Variants in MEF2C observed in about 807,000 individuals in gnomAD.
The protein encoded by MEF2C is myocyte-specific enhancer factor 2C.
MEF2C carries 6 observed loss-of-function variants against 50.5 expected under a neutral mutation model. The ratio of observed to expected loss-of-function variants is 0.12; its 90% confidence interval spans 0.07 to 0.23. The LOEUF (loss-of-function observed/expected upper bound fraction) is 0.23, where lower values mean the gene tolerates loss of function less well. Among genes scored for constraint, MEF2C ranks in the 10% least tolerant of loss-of-function variants. The pLI is 1.00. For synonymous variants in MEF2C, 183 were observed against 228.0 expected, an observed-to-expected ratio of 0.80 and a Z score of 1.78; for missense variants, 276 against 605.0, an observed-to-expected ratio of 0.46 and a Z score of 5.70.
chr5:88,795,076 T>C (rs1417854959), intron 3 of MEF2C, among the ~76,000 whole-genome samples: 2 of 152,200 alleles, frequency 1.3e-5, no homozygotes, highest in Non-Finnish European at 2.9e-5. Flanking sequence ...TCAGGTAGCG[T>C]GATGCCTTCA....
intron 1 of MEF2C, among the ~76,000 whole-genome samples, chr5:88,874,152 C>A (rs1830390886): frequency 6.6e-6 from 1 of 151,912 alleles, no homozygotes; most frequent in East Asian, 1.9e-4. Context: ...CAGAGAATTA[C>A]TTACTAGGCG....
At chr5:88,744,864 C>A (rs1050667258) in intron 6 of MEF2C, among the ~76,000 whole-genome samples, 2 of 152,190 alleles carry the variant, frequency 1.3e-5, no homozygotes, top group African/African-American at 4.8e-5. Context: ...ACCCACATTT[C>A]ATTTACTACT....
chr5:88,821,294 TCTCA>T (rs1808230828), intron 2 of MEF2C, among the ~76,000 whole-genome samples: 1 of 151,982 alleles, frequency 6.6e-6, no homozygotes, highest in East Asian at 1.9e-4. Context: ...TGAGACAGGG[TCTCA>T]CTCTGTTGCC....
chr5:88,726,511 G>T (rs1389177773), intron 10 of MEF2C, among the ~76,000 whole-genome samples: 1 of 152,110 alleles, frequency 6.6e-6, no homozygotes, highest in East Asian at 1.9e-4. Flanking sequence ...AGGGAGAAAA[G>T]AGTGTGTGTG....
At chr5:88,844,190 G>A (rs1818495872) in intron 1 of MEF2C, among the ~76,000 whole-genome samples, 1 of 152,068 alleles carries the variant, frequency 6.6e-6, no homozygotes, top group Non-Finnish European at 1.5e-5. Context: ...TATTTCAATT[G>A]GACCTTAATC....
intron 1 of MEF2C, among the ~76,000 whole-genome samples, chr5:88,836,927 A>G (rs572020043): frequency 8.6e-5 from 13 of 151,610 alleles, no homozygotes; most frequent in Admixed American, 1.3e-4. Context: ...TAGAGATCCC[A>G]AAGTGCCTAA....
At chr5:88,880,760 A>G (rs1346376956) in intron 1 of MEF2C, 2 of 152,004 alleles carry the variant, frequency 1.3e-5, no homozygotes, top group Non-Finnish European at 2.9e-5. Flanking sequence ...TCTAAGTTTC[A>G]TGGAGTTATC....
intron 1 of MEF2C, among the ~76,000 whole-genome samples, chr5:88,855,502 T>C (rs1311491617): frequency 1.3e-5 from 2 of 152,234 alleles, no homozygotes; most frequent in Admixed American, 6.5e-5. Context: ...TCATGTTGCA[T>C]GATTTTTATT....
chr5:88,881,891 G>A (rs752773138), intron 1 of MEF2C, among the ~76,000 whole-genome samples: 6 of 152,114 alleles, frequency 3.9e-5, no homozygotes, highest in Non-Finnish European at 8.8e-5. Context: ...CTCCACTGAG[G>A]ACCGGTTAAG....
At position 88,805,823 on chromosome 5, in the gene MEF2C, C is replaced by CTTT. The variant is rs869224140; in HGVS notation, c.55-1025_55-1023dup. 1.6e-3 allele frequency among the ~76,000 whole-genome samples: 101 copies of CTTT among 61,594 alleles called. 15 individuals carry two copies. Among genetic ancestry groups the CTTT allele is most frequent in the Middle Eastern group, 0.013 (1 of 78 alleles). The allele number at this position is 61,594 out of a possible 152,430, so 40.4% of individuals were successfully genotyped here. A position where few individuals can be genotyped will look rare whatever the true frequency, so the allele number is the denominator to read the frequency against. Reference sequence around the variant, plus strand: ...TGGCTACTGAAAAGGCGTGAACATTCTTTTTTTTTTTTTTTTTTTTTTTTT... The same window carrying CTTT: ...TGGCTACTGAAAAGGCGTGAACATTCTTTTTTTTTTTTTTTTTTTTTTTTTTTT... On this transcript the variant is annotated intron_variant, in intron 2 of 10. Transcript: ENST00000504921.
At chr5:88,787,376 C>T (rs1440637692) in intron 3 of MEF2C, among the ~76,000 whole-genome samples, 1 of 152,142 alleles carries the variant, frequency 6.6e-6, no homozygotes, top group Non-Finnish European at 1.5e-5. Context: ...TGACAATGGG[C>T]TCTGACAGCT....
intron 1 of MEF2C, chr5:88,825,516 T>C: frequency 4.1e-6 from 4 of 984,126 alleles, no homozygotes; most frequent in Non-Finnish European, 4.8e-6. Flanking sequence ...TTCAAAATTC[T>C]AAAGAGTTAT....
At chr5:88,802,439 GT>G (rs774868478) in intron 3 of MEF2C, among the ~76,000 whole-genome samples, 3 of 152,096 alleles carry the variant, frequency 2.0e-5, no homozygotes, top group Non-Finnish European at 4.4e-5. Flanking sequence ...TATGAAGTGG[GT>G]TTTTTTGTTG....
At chr5:88,818,109 C>T (rs1806388495) in intron 2 of MEF2C, among the ~76,000 whole-genome samples, 1 of 151,852 alleles carries the variant, frequency 6.6e-6, no homozygotes, top group African/African-American at 2.4e-5. Context: ...GTTTCCAAGA[C>T]AAAGAAATGA....
In MEF2C at chr5:88,854,095, A is replaced by T. The variant is rs569337201; in HGVS notation, c.-143+28860T>A. Among the ~76,000 whole-genome samples the T allele has an allele frequency of 1.3e-5, 2 of 152,322 alleles. 1 individual carries two copies. The highest frequency in any genetic ancestry group is 4.1e-4 in the South Asian group (2 of 4,832). On this transcript the variant is annotated intron_variant, in intron 1 of 10. Transcript: ENST00000504921. ...CTGCATGTAAAATGAATTAAAGACC[A>T]TTGAGAGCAGCTTTTTGCAGCTATA...
At chr5:88,832,123 A>G (rs2153232561) in intron 1 of MEF2C, among the ~76,000 whole-genome samples, 1 of 152,310 alleles carries the variant, frequency 6.6e-6, no homozygotes, top group Admixed American at 6.5e-5. Flanking sequence ...AAAGTATCAC[A>G]TAGGACTTCT....
upstream of MEF2C, among the ~76,000 whole-genome samples, chr5:88,885,292 T>G (rs3850651): frequency 0.45 from 67,657 of 151,912 alleles, 15,293 homozygotes; most frequent in African/African-American, 0.53. Context: ...TTTAGGCAAC[T>G]GTCCCAAGGC....
chr5:88,782,865 A>G (rs1044803176), intron 3 of MEF2C, among the ~76,000 whole-genome samples: 4 of 152,164 alleles, frequency 2.6e-5, no homozygotes, highest in African/African-American at 9.7e-5. Context: ...ATTTAATTCC[A>G]CATCAAATAT....
intron 1 of MEF2C, among the ~76,000 whole-genome samples, chr5:88,889,822 C>G (rs1459233504): frequency 6.6e-6 from 1 of 152,016 alleles, no homozygotes; most frequent in African/African-American, 2.4e-5. Flanking sequence ...TGGAGAAATG[C>G]GATCCAAAAG....
Sources: gnomAD v4.1 joint callset for allele counts (sites outside exome capture counted in the v4.1 genomes callset) on GRCh38, gnomAD v4.1.1 for gene constraint, MANE v1.5 for transcripts, NCBI Gene and HGNC (gene_info 2026-07-23, HGNC 2026-07-21) for gene names.